Variants in AAK1 observed in about 807,000 individuals in gnomAD.
The protein encoded by AAK1 is AP2-associated protein kinase 1.
Under a neutral mutation model 116.0 loss-of-function variants are expected in AAK1, and 37 were observed. The ratio of observed to expected loss-of-function variants is 0.32; its 90% confidence interval spans 0.25 to 0.42. The LOEUF is 0.42. AAK1 is among the 10% of genes least tolerant of loss of function. The probability of loss-of-function intolerance (pLI) is 1.00; values close to 1 mark genes in which losing one functional copy is unlikely to be tolerated. For synonymous variants in AAK1, 458 were observed against 439.9 expected (o/e 1.04, Z -0.51); for missense variants, 919 against 1,170.6 (o/e 0.79, Z 3.14).
chr2:69,510,890 A>C (rs1445294207), intron 13 of AAK1, among the ~76,000 whole-genome samples: 1 of 152,232 alleles, frequency 6.6e-6, no homozygotes, highest in Non-Finnish European at 1.5e-5. Context: ...TGACTGAGCT[A>C]ATAATACAAG....
At chr2:69,558,723 G>T (rs962954583) in intron 2 of AAK1, among the ~76,000 whole-genome samples, 8 of 152,154 alleles carry the variant, frequency 5.3e-5, no homozygotes, top group African/African-American at 1.9e-4. Context: ...TTTGAATTGG[G>T]GTTATGACAT....
chr2:69,508,231 T>A (rs1302736023), intron 14 of AAK1, among the ~76,000 whole-genome samples: 3 of 152,200 alleles, frequency 2.0e-5, no homozygotes, highest in Non-Finnish European at 4.4e-5. Context: ...CACCATAACA[T>A]CCACAATAAC....
chr2:69,536,922 T>C (rs1670498203), intron 5 of AAK1, among the ~76,000 whole-genome samples: 1 of 152,260 alleles, frequency 6.6e-6, no homozygotes, highest in African/African-American at 2.4e-5. Context: ...AAATCTCTAT[T>C]CTAACAAAGG....
rs1676516204 is a variant in AAK1, at chr2:69,514,758, G to GA, written c.1498-10dup. The GA allele has an allele frequency of 6.4e-7, 1 of 1,565,748 alleles. No individual in the cohort carries two copies. Among genetic ancestry groups the GA allele is most frequent in the Non-Finnish European group, 8.7e-7 (1 of 1,154,724 alleles). On this transcript the variant is annotated splice_polypyrimidine_tract_variant and intron_variant, in intron 12 of 21. Transcript: ENST00000409085. ...GGATGTACTGCCTGAAACTGAGCAA[G>GA]AAATGAGGAGATGAATAAGGGCCTG...
intron 14 of AAK1, 55 bp from the exon 15 acceptor site, chr2:69,507,633 A>G (rs1410114001): frequency 1.4e-6 from 2 of 1,439,562 alleles, no homozygotes; most frequent in East Asian, 2.5e-5. Flanking sequence ...GAACAAAACA[A>G]AAAGGGTCAA....
chr2:69,527,395 C>T, intron 8 of AAK1, 76 bp from the exon 9 acceptor site: 1 of 963,756 alleles, frequency 1.0e-6, no homozygotes, highest in Non-Finnish European at 1.6e-6. Flanking sequence ...ATTCCTCTCT[C>T]TACTCCCAAT....
Position 69,550,700 on chromosome 2 carries a change from G to A in AAK1, c.283-6156C>T, listed in dbSNP as rs190410085. 1.7e-4 allele frequency among the ~76,000 whole-genome samples: 25 copies of A among 151,286 alleles called. No homozygotes were observed. In the East Asian group the frequency reaches 1.8e-3, roughly 11 times the overall value. The stretch of plus-strand genomic sequence containing the variant: ...GCACAATCTTGGCTCACTGCAACCC[G>A]CACCTCCCCGGCTCAAGTGATTCTC... On this transcript the variant is annotated intron_variant, in intron 3 of 21. Coordinates refer to ENST00000409085, the MANE Select transcript of AAK1 (RefSeq NM_014911.5).
intron 12 of AAK1, 65 bp downstream of exon 12, chr2:69,518,889 C>A: frequency 6.8e-7 from 1 of 1,470,876 alleles, no homozygotes; most frequent in Non-Finnish European, 9.0e-7. Context: ...ACACCTTTAC[C>A]TAGTGGGCCT....
intron 2 of AAK1, among the ~76,000 whole-genome samples, chr2:69,629,271 AATC>A (rs1675053158): frequency 6.6e-6 from 1 of 152,250 alleles, no homozygotes; most frequent in South Asian, 2.1e-4. Context: ...GGCCAATGCC[AATC>A]ATCAACTAGA....
chr2:69,568,110 G>T (rs1199603636), intron 2 of AAK1, among the ~76,000 whole-genome samples: 1 of 152,206 alleles, frequency 6.6e-6, no homozygotes, highest in African/African-American at 2.4e-5. Context: ...CCATGCTACA[G>T]ACCTTCAAGC....
intron 2 of AAK1, among the ~76,000 whole-genome samples, chr2:69,623,016 C>A (rs1674726879): frequency 6.6e-6 from 1 of 152,128 alleles, no homozygotes; most frequent in African/African-American, 2.4e-5. Flanking sequence ...ACATCAGTGG[C>A]AACCCACTCA....
In AAK1 at chr2:69,471,476, T is replaced by C. The variant is rs1674679663; in HGVS notation, c.*4393A>G. 1 of 985,342 alleles carries C rather than the reference T, an allele frequency of 1.0e-6. No homozygotes were observed. Among genetic ancestry groups the C allele is most frequent in the Non-Finnish European group, 1.2e-6 (1 of 829,936 alleles). The allele number at this position is 985,342 out of a possible 1,614,324, so 61.0% of individuals were successfully genotyped here. Reference sequence around the variant, plus strand: ...GAGGAATAAAGATAGCTTTGCAGTATCTGGAGTGTTTCAGGAAAGCTTCCA... The same window carrying C: ...GAGGAATAAAGATAGCTTTGCAGTACCTGGAGTGTTTCAGGAAAGCTTCCA... On this transcript the variant is annotated 3_prime_UTR_variant, in exon 22 of 22. Transcript: ENST00000409085.
At chr2:69,592,442 T>C (rs2311837) in intron 2 of AAK1, among the ~76,000 whole-genome samples, 82,771 of 152,018 alleles carry the variant, frequency 0.54, 24,638 homozygotes, top group East Asian at 0.78. Flanking sequence ...ACAACAGCGG[T>C]CTATTCAATA....
chr2:69,598,476 T>G, intron 2 of AAK1: 1 of 201,472 alleles, frequency 5.0e-6, no homozygotes, highest in East Asian at 1.2e-4. Context: ...TTCTTAAAAG[T>G]GGATATTTAT....
intron 16 of AAK1, among the ~76,000 whole-genome samples, chr2:69,500,698 T>TATATATATATGTATATATATAC: frequency 7.7e-5 from 5 of 65,100 alleles, no homozygotes; most frequent in African/African-American, 4.0e-4. Context: ...TATATATATA[T>TATATATATATGTATATATATAC]ACACACACAC....
chr2:69,522,823 A>C (rs1481914827), intron 10 of AAK1, among the ~76,000 whole-genome samples: 1 of 152,128 alleles, frequency 6.6e-6, no homozygotes, highest in Non-Finnish European at 1.5e-5. Flanking sequence ...AAAAGAGGAA[A>C]AAAAGAAAAA....
chr2:69,507,127 T>C (rs1676216778), intron 15 of AAK1, among the ~76,000 whole-genome samples: 1 of 152,156 alleles, frequency 6.6e-6, no homozygotes, highest in African/African-American at 2.4e-5. Context: ...CCTGATGCTG[T>C]TATCCTGGAC....
chr2:69,587,867 C>A (rs909867291), intron 2 of AAK1, among the ~76,000 whole-genome samples: 1 of 152,120 alleles, frequency 6.6e-6, no homozygotes, highest in African/African-American at 2.4e-5. Flanking sequence ...CTACCTTGGC[C>A]TCCCAAAATG....
chr2:69,532,644 C>G (rs2105028175), intron 5 of AAK1, among the ~76,000 whole-genome samples: 1 of 152,258 alleles, frequency 6.6e-6, no homozygotes, highest in Admixed American at 6.5e-5. Context: ...TCCCTATTGT[C>G]CTTCAGTATT....
Sources: gnomAD v4.1 joint callset for allele counts (sites outside exome capture counted in the v4.1 genomes callset) on GRCh38, gnomAD v4.1.1 for gene constraint, MANE v1.5 for transcripts, NCBI Gene and HGNC (gene_info 2026-07-23, HGNC 2026-07-21) for gene names.